CEP44: variants seen among roughly 807,000 people sequenced by gnomAD.
CEP44 encodes centrosomal protein of 44 kDa.
A neutral mutation model predicts 46.7 loss-of-function variants in CEP44; 45 were observed. The observed-to-expected ratio is 0.96, with a 90% confidence interval of 0.76 to 1.24. The LOEUF (loss-of-function observed/expected upper bound fraction) is 1.24, where lower values mean the gene tolerates loss of function less well. CEP44 is among the 50% of genes most tolerant of loss of function. The probability of loss-of-function intolerance (pLI) is 0.00; values close to 1 mark genes in which losing one functional copy is unlikely to be tolerated. For missense variants in CEP44, 475 were observed against 459.7 expected, an observed-to-expected ratio of 1.03 and a Z score of -0.30; for synonymous variants, 142 against 146.0, an observed-to-expected ratio of 0.97 and a Z score of 0.20.
At chr4:174,313,836 G>C (rs1363076924) in intron 9 of CEP44, among the ~76,000 whole-genome samples, 1 of 152,098 alleles carries the variant, frequency 6.6e-6, no homozygotes, top group African/African-American at 2.4e-5. Flanking sequence ...TGATTGGGTA[G>C]GTGATTGTTA....
chr4:174,307,197 C>T (rs951443291), intron 6 of CEP44, among the ~76,000 whole-genome samples: 2 of 152,098 alleles, frequency 1.3e-5, no homozygotes, highest in Non-Finnish European at 2.9e-5. Flanking sequence ...GATCATGCTA[C>T]CCAACTTCAA....
intron 1 of CEP44, among the ~76,000 whole-genome samples, chr4:174,294,131 G>A (rs1320677028): frequency 6.6e-6 from 1 of 150,846 alleles, no homozygotes; most frequent in African/African-American, 2.4e-5. Flanking sequence ...GTGGAGGGAG[G>A]GTCAGCAGAT....
At position 174,317,538 on chromosome 4, in the gene CEP44, A is replaced by G. The variant is rs1741877681; in HGVS notation, c.*155A>G. On this transcript the variant is annotated 3_prime_UTR_variant, in exon 12 of 12. Coordinates refer to ENST00000503780, the MANE Select transcript of CEP44 (RefSeq NM_001040157.3). ...GAATTTTTGCATTCATTATTGAATA[A>G]CTCTTTTAATATTTTTGAGCAATGA... 14 of 1,188,524 alleles carry G rather than the reference A, an allele frequency of 1.2e-5. No individual in the cohort carries two copies. The highest frequency in any genetic ancestry group is 1.3e-5 in the Non-Finnish European group (12 of 951,596). 73.6% of individuals were successfully genotyped at this position (1,188,524 alleles called of 1,614,324 possible). A position where few individuals can be genotyped will look rare whatever the true frequency, so the allele number is the denominator to read the frequency against.
In CEP44 at chr4:174,299,079, A is replaced by AT. The variant is rs778095178; in HGVS notation, c.-41dup. ...ATGGATTTCTATTTTCAGGTGAAAA[A>AT]TTAGACGATTTCAAGAATTGGAGCT... is the stretch of plus-strand genomic sequence containing the variant. On this transcript the variant is annotated 5_prime_UTR_variant, in exon 3 of 12. Coordinates refer to ENST00000503780, the MANE Select transcript of CEP44 (RefSeq NM_001040157.3). 2 of 1,538,032 alleles carry AT rather than the reference A, an allele frequency of 1.3e-6. No individual in the cohort carries two copies. Among genetic ancestry groups the AT allele is most frequent in the African/African-American group, 1.4e-5 (1 of 72,726 alleles).
At chr4:174,299,034 A>C in intron 2 of CEP44, 38 bp from the exon 3 acceptor site, 3 of 1,147,070 alleles carry the variant, frequency 2.6e-6, no homozygotes, top group Non-Finnish European at 3.8e-6. Flanking sequence ...TCAAAAATAC[A>C]GAGACTTAAC....
Position 174,288,221 on chromosome 4 carries a change from T to C in CEP44, c.-148+4278T>C, listed in dbSNP as rs139024665. Among the ~76,000 whole-genome samples the C allele has an allele frequency of 7.0e-4, 107 of 152,316 alleles. 1 individual carries two copies. In the East Asian group the frequency reaches 0.014, roughly 20 times the overall value. On this transcript the variant is annotated intron_variant, in intron 1 of 11. Transcript: ENST00000503780. The surrounding 1 kb of genome is among the most constrained non-coding windows in gnomAD (Gnocchi z 4.6). ...TGTGAAACCATCCAACCATTATTACTACAAGAAATCAATGCCATCACCTTG... is the reference window on the plus strand; with the variant it reads ...TGTGAAACCATCCAACCATTATTACCACAAGAAATCAATGCCATCACCTTG...
In CEP44 at chr4:174,288,965, A is replaced by G. The variant is rs1445663956; in HGVS notation, c.-148+5022A>G. ...ACCTAGTTTATTGGGAGTTTTTATC[A>G]CAAAAGAGTATCGAATTTTGTCAAG... On this transcript the variant is annotated intron_variant, in intron 1 of 11. Transcript: ENST00000503780. This position sits in a 1 kb window ranked among gnomAD's most constrained non-coding sequence, Gnocchi z 4.6. Among the ~76,000 whole-genome samples, 2 of 152,158 alleles carry G rather than the reference A, an allele frequency of 1.3e-5. No individual in the cohort carries two copies. The highest frequency in any genetic ancestry group is 2.9e-5 in the Non-Finnish European group (2 of 68,016).
At chr4:174,295,074 G>A (rs1738786939) in intron 1 of CEP44, among the ~76,000 whole-genome samples, 2 of 150,702 alleles carry the variant, frequency 1.3e-5, no homozygotes, top group South Asian at 2.1e-4. Flanking sequence ...TGGCCGGGCG[G>A]GGGGCTGATC....
rs78935829 is a variant in CEP44 at position 174,329,150 on chromosome 4, T to G, written c.1087-2332T>G. 0.018 allele frequency among the ~76,000 whole-genome samples: 2,698 copies of G among 152,144 alleles called. 73 individuals carry two copies. The highest frequency in any genetic ancestry group is 0.061 in the African/African-American group (2,528 of 41,500). ...TATTTTTTCGGATTTGGGATCTCACTATGCTGCCCAGGCTAGTCTCAGACT... is the reference window on the plus strand; with the variant it reads ...TATTTTTTCGGATTTGGGATCTCACGATGCTGCCCAGGCTAGTCTCAGACT... On this transcript the variant is annotated intron_variant, in intron 8 of 8. Coordinates refer to the CEP44 transcript ENST00000426172. This position sits in a 1 kb window ranked among gnomAD's most constrained non-coding sequence, Gnocchi z 4.0.
At chr4:174,327,280 A>G (rs1194528371) in intron 8 of CEP44, among the ~76,000 whole-genome samples, 1 of 151,232 alleles carries the variant, frequency 6.6e-6, no homozygotes, top group Non-Finnish European at 1.5e-5. Context: ...GAAAATTATT[A>G]AACTTATATA....
At chr4:174,313,820 C>CT (rs1379261837) in intron 9 of CEP44, among the ~76,000 whole-genome samples, 2 of 151,926 alleles carry the variant, frequency 1.3e-5, no homozygotes, top group Non-Finnish European at 2.9e-5. Flanking sequence ...TTGTGTTTGG[C>CT]TCATGTGATT....
At chr4:174,302,656 A>G (rs1739868288) in intron 4 of CEP44, among the ~76,000 whole-genome samples, 1 of 151,978 alleles carries the variant, frequency 6.6e-6, no homozygotes, top group African/African-American at 2.4e-5. Context: ...TACTATGTGT[A>G]TACTGAATTT....
chr4:174,323,093 G>A (rs1362102559), downstream of CEP44, among the ~76,000 whole-genome samples: 10 of 151,488 alleles, frequency 6.6e-5, no homozygotes, highest in East Asian at 1.7e-3. Context: ...TGGCATACAA[G>A]GTATTAAAAA....
In CEP44 at chr4:174,308,712, C is replaced by G. The variant is rs1402769413; in HGVS notation, c.531C>G (p.His177Gln). ...AGAAGAAAGCTGTGGTGATTCGTCA[C>G]TTGTATAATGAAGATAATGTTGACA... ...SGKKKAVVIR[H>Q]LYNEDNVDIS... Residue 177 changes from histidine to glutamine, a missense_variant, in exon 7 of 12, where the codon CAC (histidine) becomes CAG (glutamine). His to Gln is a conservative substitution (Grantham distance 24). Transcript: ENST00000503780. The G allele has an allele frequency of 3.7e-6, 6 of 1,609,050 alleles. No individual in the cohort carries two copies. Among genetic ancestry groups the G allele is most frequent in the African/African-American group, 1.3e-5 (1 of 74,942 alleles).
At chr4:174,295,073 G>T (rs1394070827) in intron 1 of CEP44, among the ~76,000 whole-genome samples, 1 of 143,694 alleles carries the variant, frequency 7.0e-6, no homozygotes, top group Non-Finnish European at 1.5e-5. Flanking sequence ...CTGGCCGGGC[G>T]GGGGGCTGAT....
At position 174,329,205 on chromosome 4, in the gene CEP44, C is replaced by G. The variant is rs1228657581; in HGVS notation, c.1087-2277C>G. Reference sequence around the variant, plus strand: ...GCCTCAAGCAATCTTCCTACCTCATCCTCTGAAAGTGTTGAGATTACAGGT... The same window carrying G: ...GCCTCAAGCAATCTTCCTACCTCATGCTCTGAAAGTGTTGAGATTACAGGT... On this transcript the variant is annotated intron_variant, in intron 8 of 8. Transcript: ENST00000426172. This position sits in a 1 kb window ranked among gnomAD's most constrained non-coding sequence, Gnocchi z 4.0. Among the ~76,000 whole-genome samples, 1 of 152,070 alleles carries G rather than the reference C, an allele frequency of 6.6e-6. No individual in the cohort carries two copies. The highest frequency in any genetic ancestry group is 1.5e-5 in the Non-Finnish European group (1 of 68,020).
downstream of CEP44, among the ~76,000 whole-genome samples, chr4:174,323,529 T>C: frequency 6.6e-6 from 1 of 152,074 alleles, no homozygotes; most frequent in South Asian, 2.1e-4. Flanking sequence ...ATTTTATTCA[T>C]GAGGCAGCCA....
In CEP44 at chr4:174,299,131, G is replaced by A. The variant is rs769361456; in HGVS notation, c.10G>A (p.Gly4Ser). The change falls in exon 3 of 12, where the codon GGT becomes AGT. Residue 4 changes from glycine to serine, a missense_variant. Physicochemically the swap from Gly to Ser is moderately conservative, Grantham distance 56. Coordinates refer to ENST00000503780, the MANE Select transcript of CEP44 (RefSeq NM_001040157.3). MAT[G>S]DLKRSLRNLE... is the part of the protein sequence containing the mutation. ...AATCTGATGTTAAGTAATGGCAACA[G>A]GTGACTTAAAAAGAAGCTTACGGAA... 2.5e-6 allele frequency: 4 copies of A among 1,612,510 alleles called. No individual in the cohort carries two copies. Among genetic ancestry groups the A allele is most frequent in the Non-Finnish European group, 3.4e-6 (4 of 1,179,354 alleles).
rs1233515299 is a variant in CEP44 at position 174,331,505 on chromosome 4, A to G, written c.1110A>G (p.Thr370=). The G allele has an allele frequency of 1.9e-6, 3 of 1,551,484 alleles. No individual in the cohort carries two copies. In the South Asian group the frequency reaches 3.6e-5, roughly 18 times the overall value. Residue 370 remains threonine (T), a synonymous_variant, in exon 9 of 9, where the codon ACA becomes ACG. Transcript: ENST00000426172. This position sits in a 1 kb window ranked among gnomAD's most constrained non-coding sequence, Gnocchi z 4.5. The stretch of plus-strand genomic sequence containing the variant: ...AGAATTTTCCTGCATGGAGTGCTAC[A>G]TCCTCTTGTTCCAGTCTCAGCTGGC...
Sources: allele counts gnomAD v4.1 joint callset (sites outside exome capture counted in the v4.1 genomes callset), GRCh38; gene constraint gnomAD v4.1.1; non-coding constraint Gnocchi (gnomAD v3.1); transcripts MANE v1.5; gene names NCBI Gene and HGNC (gene_info 2026-07-23, HGNC 2026-07-21).